Variants in AGBL1 observed in about 807,000 individuals in gnomAD.
The protein encoded by AGBL1 is cytosolic carboxypeptidase 4.
In AGBL1, 130 loss-of-function variants were observed where a neutral mutation model predicts 118.9. That is an observed-to-expected ratio of 1.09 (90% CI 0.95 to 1.26). The LOEUF (loss-of-function observed/expected upper bound fraction) is 1.26. AGBL1 is among the 50% of genes most tolerant of loss of function. AGBL1 has a pLI of 0.00. For synonymous variants in AGBL1, 555 were observed against 478.9 expected (o/e 1.16, Z -2.08); for missense variants, 1,584 against 1,298.1 (o/e 1.22, Z -3.38).
intron 18 of AGBL1, among the ~76,000 whole-genome samples, chr15:86,508,384 C>CA (rs1373407247): frequency 6.6e-6 from 1 of 151,614 alleles, no homozygotes; most frequent in African/African-American, 2.4e-5. Flanking sequence ...AAAATAATGA[C>CA]AAAAAAGAAG....
intron 21 of AGBL1, among the ~76,000 whole-genome samples, chr15:86,565,479 C>A (rs142490590): frequency 6.6e-6 from 1 of 152,216 alleles, no homozygotes; most frequent in African/African-American, 2.4e-5. Flanking sequence ...GCTGCCTGAT[C>A]GTTCCTCTGG....
intron 22 of AGBL1, among the ~76,000 whole-genome samples, chr15:86,684,838 C>T (rs1485401046): frequency 6.6e-6 from 1 of 152,166 alleles, no homozygotes; most frequent in African/African-American, 2.4e-5. Flanking sequence ...CACATTCTAA[C>T]ATCAGTAGTA....
chr15:86,439,908 C>A (rs570438732), intron 18 of AGBL1, among the ~76,000 whole-genome samples: 15 of 152,296 alleles, frequency 9.8e-5, no homozygotes, highest in African/African-American at 3.6e-4. Flanking sequence ...GAGCACACGG[C>A]CCCAGTGAGA....
At chr15:86,319,209 T>C (rs77186973) in intron 17 of AGBL1, among the ~76,000 whole-genome samples, 2,105 of 152,242 alleles carry the variant, frequency 0.014, 55 homozygotes, top group African/African-American at 0.045. Flanking sequence ...AATCATAGTA[T>C]CTAGGAGCAG....
Position 86,580,536 on chromosome 15 carries a change from A to G in AGBL1, c.2994+25999A>G, listed in dbSNP as rs182962394. Among the ~76,000 whole-genome samples, 30 of 152,148 alleles carry G rather than the reference A, an allele frequency of 2.0e-4. No individual in the cohort carries two copies. The East Asian group carries it at 4.8e-3, about 24-fold the overall frequency. ...TTTTCTAGACTAGTACTCAGTCTGT[A>G]CATACATTTATGGATCATTAATTTT... On this transcript the variant is annotated intron_variant, in intron 21 of 22. Transcript: ENST00000614907.
exon 25 of AGBL1, chr15:87,028,864 G>C: frequency 6.3e-7 from 1 of 1,597,684 alleles, no homozygotes; most frequent in Non-Finnish European, 8.6e-7. Context: ...AAATGAGCAA[G>C]TATTGAAGTT....
intron 18 of AGBL1, among the ~76,000 whole-genome samples, chr15:86,433,345 G>A (rs1487070769): frequency 7.6e-6 from 1 of 130,894 alleles, no homozygotes; most frequent in Non-Finnish European, 1.5e-5. Context: ...AACAGAACCA[G>A]GATGATTGCA....
intron 22 of AGBL1, among the ~76,000 whole-genome samples, chr15:86,827,697 T>C (rs190842617): frequency 1.0e-3 from 150 of 144,630 alleles, no homozygotes; most frequent in African/African-American, 3.4e-3. Context: ...TCAGAGGCAA[T>C]ATTTGTCTTC....
chr15:86,587,451 G>A (rs2084267521), intron 21 of AGBL1, among the ~76,000 whole-genome samples: 1 of 152,146 alleles, frequency 6.6e-6, no homozygotes, highest in South Asian at 2.1e-4. Context: ...TGGTTGCTTG[G>A]GGGTTGTTAA....
chr15:86,423,519 A>G (rs181812540), intron 18 of AGBL1, among the ~76,000 whole-genome samples: 28 of 152,298 alleles, frequency 1.8e-4, no homozygotes, highest in African/African-American at 5.5e-4. Context: ...TCAACATAGT[A>G]TTTGAAGTTC....
At chr15:86,998,516 T>C (rs758938257) in intron 24 of AGBL1, among the ~76,000 whole-genome samples, 4 of 152,172 alleles carry the variant, frequency 2.6e-5, no homozygotes, top group Non-Finnish European at 5.9e-5. Flanking sequence ...TTGTAGCCTC[T>C]TAAAGATTCT....
At chr15:86,792,950 G>A (rs1212474922) in intron 22 of AGBL1, among the ~76,000 whole-genome samples, 1 of 151,850 alleles carries the variant, frequency 6.6e-6, no homozygotes, top group African/African-American at 2.4e-5. Context: ...ACATATTTTA[G>A]AACTACACAG....
rs144279215 is a variant in AGBL1, at chr15:86,766,990, A to G, written c.3158+92554A>G. Among the ~76,000 whole-genome samples the G allele has an allele frequency of 2.2e-3, 341 of 152,104 alleles. 3 individuals are homozygous for G. Among genetic ancestry groups the G allele is most frequent in the African/African-American group, 7.6e-3 (316 of 41,532 alleles). On this transcript the variant is annotated intron_variant, in intron 22 of 22. Transcript: ENST00000614907. ...AAGATTTAGGGTAATTTAGTAAAAT[A>G]TTAGATTAAAATTTAAGTAGGAAAT... is the stretch of plus-strand genomic sequence containing the variant.
At chr15:86,933,719 C>T (rs551394680) in intron 23 of AGBL1, among the ~76,000 whole-genome samples, 21 of 152,280 alleles carry the variant, frequency 1.4e-4, no homozygotes, top group Middle Eastern at 3.4e-3. Context: ...ACCCACTTTC[C>T]GTGTATCCGG....
At chr15:86,856,928 G>A (rs1052977344) in intron 22 of AGBL1, among the ~76,000 whole-genome samples, 1 of 152,182 alleles carries the variant, frequency 6.6e-6, no homozygotes, top group Non-Finnish European at 1.5e-5. Context: ...AGAGAGTGGT[G>A]AAGCCTAGTT....
chr15:86,418,789 C>T (rs2081740105), intron 18 of AGBL1, among the ~76,000 whole-genome samples: 1 of 152,088 alleles, frequency 6.6e-6, no homozygotes, highest in Non-Finnish European at 1.5e-5. Context: ...TTAGTCTTAC[C>T]TGTCCTCAGA....
chr15:86,107,682 A>G (rs1897130387), intron 1 of AGBL1: 1 of 152,212 alleles, frequency 6.6e-6, no homozygotes, highest in Admixed American at 6.5e-5. Flanking sequence ...GGATGGGAGG[A>G]TAAACATTTG....
intron 1 of AGBL1, among the ~76,000 whole-genome samples, chr15:86,092,061 C>T (rs1263193850): frequency 6.6e-6 from 1 of 152,096 alleles, no homozygotes; most frequent in Non-Finnish European, 1.5e-5. Flanking sequence ...AATAGTTGTC[C>T]TTCATCTATT....
chr15:86,240,015 G>C (rs1412186463), intron 6 of AGBL1, among the ~76,000 whole-genome samples: 1 of 152,038 alleles, frequency 6.6e-6, no homozygotes, highest in Non-Finnish European at 1.5e-5. Flanking sequence ...AAACTAAAAG[G>C]GAGCTTTGAG....
Sources: allele counts gnomAD v4.1 joint callset (sites outside exome capture counted in the v4.1 genomes callset), GRCh38; gene constraint gnomAD v4.1.1; transcripts MANE v1.5; gene names NCBI Gene and HGNC (gene_info 2026-07-23, HGNC 2026-07-21).